The following NHSL2 variants were observed in gnomAD, a reference collection of about 807,000 sequenced individuals.
NHSL2 encodes the protein NHS like 2, also known as NHS-like protein 2.
A neutral mutation model predicts 53.4 loss-of-function variants in NHSL2; 27 were observed. The ratio of observed to expected loss-of-function variants is 0.51; its 90% CI spans 0.37 to 0.70. NHSL2 has a LOEUF of 0.70. NHSL2 is among the 30% of genes least tolerant of loss of function. NHSL2 has a pLI of 0.00. For synonymous variants in NHSL2, 408 were observed against 404.1 expected (o/e 1.01, Z -0.12); for missense variants, 892 against 980.1 (o/e 0.91, Z 1.20).
chrX:72,042,006 G>A (rs1418976461), intron 1 of NHSL2, among the ~76,000 whole-genome samples: 2 of 112,044 alleles, frequency 1.8e-5, no homozygotes, highest in African/African-American at 6.5e-5. Context: ...TTCCCTACAA[G>A]GTCTGCCAGC....
At chrX:72,098,603 GAGA>G (rs986522759) in intron 1 of NHSL2, among the ~76,000 whole-genome samples, 13 of 108,953 alleles carry the variant, frequency 1.2e-4, no homozygotes, top group South Asian at 3.9e-4. Flanking sequence ...AAAAGAAAGA[GAGA>G]AGAAGTTGAA....
intron 1 of NHSL2, among the ~76,000 whole-genome samples, chrX:72,087,352 G>C (rs966966324): frequency 8.9e-6 from 1 of 112,129 alleles, no homozygotes; most frequent in African/African-American, 3.2e-5. Context: ...CCAGGGCCTA[G>C]GAGAGGGAGA....
At chrX:71,925,854 T>C (rs1277965066) in intron 1 of NHSL2, among the ~76,000 whole-genome samples, 1 of 111,766 alleles carries the variant, frequency 8.9e-6, no homozygotes, top group Non-Finnish European at 1.9e-5. Context: ...CATCCACAAT[T>C]TGAATGCCCA....
At chrX:72,028,821 C>T (rs2042199403) in intron 1 of NHSL2, among the ~76,000 whole-genome samples, 1 of 112,712 alleles carries the variant, frequency 8.9e-6, no homozygotes, top group African/African-American at 3.2e-5. Context: ...GAAGGGGTGG[C>T]CCAGGCCTTC....
At chrX:72,120,492 A>G (rs2042173828) in intron 1 of NHSL2, among the ~76,000 whole-genome samples, 1 of 112,384 alleles carries the variant, frequency 8.9e-6, no homozygotes, top group Non-Finnish European at 1.9e-5. Flanking sequence ...AGTTGTTCAT[A>G]GTATTCCTTT....
chrX:71,991,877 T>A (rs1341535369), intron 1 of NHSL2, among the ~76,000 whole-genome samples: 5 of 111,014 alleles, frequency 4.5e-5, no homozygotes, highest in African/African-American at 1.7e-4. Context: ...TGGCCTAGTT[T>A]GCACTAAGAC....
At chrX:72,061,051 T>C (rs1302724525) in intron 1 of NHSL2, among the ~76,000 whole-genome samples, 2 of 112,035 alleles carry the variant, frequency 1.8e-5, no homozygotes, top group African/African-American at 6.5e-5. Context: ...TCCTGACCAC[T>C]CCCCACTCCA....
At chrX:72,050,209 C>A (rs1340807553) in intron 1 of NHSL2, among the ~76,000 whole-genome samples, 1 of 111,123 alleles carries the variant, frequency 9.0e-6, no homozygotes, top group East Asian at 2.8e-4. Context: ...TTGTTCTCCA[C>A]CTTGGATCCA....
intron 1 of NHSL2, among the ~76,000 whole-genome samples, chrX:71,934,881 C>G (rs1263817506): frequency 2.7e-5 from 3 of 112,315 alleles, no homozygotes; most frequent in African/African-American, 9.7e-5. Context: ...TAACTAGCAT[C>G]AAAACCACAG....
intron 1 of NHSL2, chrX:72,069,822 G>C (rs2042456294): frequency 1.7e-6 from 1 of 592,262 alleles, no homozygotes; most frequent in Admixed American, 5.9e-5. Flanking sequence ...TGCCATGCGG[G>C]GCCCCTGACC....
At chrX:71,936,423 G>T (rs183292530) in intron 1 of NHSL2, among the ~76,000 whole-genome samples, 44 of 112,365 alleles carry the variant, frequency 3.9e-4, no homozygotes, top group Admixed American at 1.9e-3. Context: ...GTCAGTGGAT[G>T]GCCTCTGAGG....
chrX:71,995,347 C>T (rs1046810767), intron 1 of NHSL2, among the ~76,000 whole-genome samples: 3 of 111,982 alleles, frequency 2.7e-5, no homozygotes, highest in African/African-American at 9.8e-5. Flanking sequence ...CAGGTCATGT[C>T]CTTTCTCTGC....
intron 2 of NHSL2, chrX:72,133,868 A>G (rs1384378160): frequency 2.8e-6 from 1 of 362,450 alleles, no homozygotes; most frequent in Non-Finnish European, 4.8e-6. Context: ...AAACCACCAC[A>G]GCATGAATTT....
In NHSL2 at chrX:72,151,005, T is replaced by G. The variant is rs1425363679; in HGVS notation, c.*7431T>G. 1 of 108,818 alleles carries G rather than the reference T, an allele frequency of 9.2e-6. No homozygotes were observed. The highest frequency in any genetic ancestry group is 1.9e-5 in the Non-Finnish European group (1 of 52,821). The allele number at this position is 108,818 out of a possible 1,213,427, so 9.0% of individuals were successfully genotyped here. A position where few individuals can be genotyped will look rare whatever the true frequency, so the allele number is the denominator to read the frequency against. ...TGTTCATTCGTTTGTTTTGCAACCT[T>G]TGGATAATGTAAACCACTCTCTTTT... On this transcript the variant is annotated 3_prime_UTR_variant, in exon 8 of 8. Transcript: ENST00000633930.
chrX:71,992,967 C>T (rs1427732764), intron 1 of NHSL2, among the ~76,000 whole-genome samples: 2 of 111,936 alleles, frequency 1.8e-5, no homozygotes, highest in Non-Finnish European at 3.8e-5. Context: ...GGATTTGTTC[C>T]GTGTAGCTTG....
chrX:71,981,949 G>A (rs770678962), intron 1 of NHSL2, among the ~76,000 whole-genome samples: 19 of 111,797 alleles, frequency 1.7e-4, no homozygotes, highest in Non-Finnish European at 2.8e-4. Flanking sequence ...CCAGGTTACC[G>A]TATGACCCAG....
chrX:72,098,701 T>C (rs1287970968), intron 1 of NHSL2, among the ~76,000 whole-genome samples: 1 of 112,201 alleles, frequency 8.9e-6, no homozygotes, highest in Non-Finnish European at 1.9e-5. Context: ...ATTTTATTTA[T>C]TTTTTATTTT....
intron 1 of NHSL2, among the ~76,000 whole-genome samples, chrX:71,986,265 C>G (rs2042002450): frequency 8.9e-6 from 1 of 111,767 alleles, no homozygotes; most frequent in South Asian, 3.7e-4. Context: ...TATAATTTCA[C>G]TTTGGAAAGC....
intron 1 of NHSL2, chrX:72,044,659 T>A: frequency 8.6e-7 from 1 of 1,166,978 alleles, no homozygotes; most frequent in Admixed American, 2.2e-5. Context: ...CATTAAGAAA[T>A]TCGTCATTCG....
Sources: gnomAD v4.1 joint callset for allele counts (sites outside exome capture counted in the v4.1 genomes callset) on GRCh38, gnomAD v4.1.1 for gene constraint, MANE v1.5 for transcripts, NCBI Gene and HGNC (gene_info 2026-07-23, HGNC 2026-07-21) for gene names.